The following ST6GAL1 variants were observed in gnomAD, a reference collection of about 807,000 sequenced individuals.
ST6GAL1 encodes beta-galactoside alpha-2,6-sialyltransferase 1.
ST6GAL1 carries 20 observed loss-of-function variants against 38.0 expected under a neutral mutation model. The observed-to-expected ratio is 0.53, with a 90% confidence interval of 0.37 to 0.77. The LOEUF (loss-of-function observed/expected upper bound fraction) is 0.77, where lower values mean the gene tolerates loss of function less well. Among genes scored for constraint, ST6GAL1 ranks in the 30% least tolerant of loss-of-function variants. The probability of loss-of-function intolerance (pLI) is 0.00; values close to 1 mark genes in which losing one functional copy is unlikely to be tolerated. For missense variants in ST6GAL1, 432 were observed against 496.4 expected, an observed-to-expected ratio of 0.87 and a Z score of 1.23; for synonymous variants, 196 against 188.2, an observed-to-expected ratio of 1.04 and a Z score of -0.34.
At chr3:186,936,939 CA>C (rs60914982) in intron 1 of ST6GAL1, among the ~76,000 whole-genome samples, 59,446 of 88,486 alleles carry the variant, frequency 0.67, 16,970 homozygotes, top group Middle Eastern at 0.81. Context: ...AAGACTGTCT[CA>C]AAAAAAAAAA....
At chr3:187,052,857 C>T (rs1283303164) in intron 5 of ST6GAL1, among the ~76,000 whole-genome samples, 2 of 152,216 alleles carry the variant, frequency 1.3e-5, no homozygotes, top group Admixed American at 6.5e-5. Context: ...GTTCTAGATC[C>T]TTGAGGAATT....
At chr3:187,036,320 C>T (rs1717930238) in intron 2 of ST6GAL1, among the ~76,000 whole-genome samples, 1 of 152,160 alleles carries the variant, frequency 6.6e-6, no homozygotes, top group African/African-American at 2.4e-5. Flanking sequence ...TTAGTTCAGC[C>T]ACCATGAAAA....
At chr3:187,007,408 T>A (rs1427487769) in intron 2 of ST6GAL1, among the ~76,000 whole-genome samples, 1 of 152,094 alleles carries the variant, frequency 6.6e-6, no homozygotes, top group Non-Finnish European at 1.5e-5. Flanking sequence ...ACCACCCAAG[T>A]CCCAGACAAA....
intron 2 of ST6GAL1, among the ~76,000 whole-genome samples, chr3:187,009,529 G>A (rs1005096933): frequency 6.6e-6 from 1 of 152,184 alleles, no homozygotes; most frequent in Admixed American, 6.5e-5. Flanking sequence ...CTACTTGGGA[G>A]GCTGAGGAGG....
chr3:186,953,883 A>G (rs1025269417), intron 1 of ST6GAL1, among the ~76,000 whole-genome samples: 1 of 151,092 alleles, frequency 6.6e-6, no homozygotes, highest in South Asian at 2.1e-4. Flanking sequence ...GGTTTGTTAC[A>G]TAGGTAAACA....
At chr3:186,995,864 T>G (rs1365944268) in intron 2 of ST6GAL1, among the ~76,000 whole-genome samples, 1 of 152,102 alleles carries the variant, frequency 6.6e-6, no homozygotes, top group Admixed American at 6.6e-5. Context: ...AAAGATTGTT[T>G]AATAAATGCT....
chr3:187,022,316 G>C (rs1717347196), intron 2 of ST6GAL1, among the ~76,000 whole-genome samples: 1 of 152,156 alleles, frequency 6.6e-6, no homozygotes, highest in African/African-American at 2.4e-5. Flanking sequence ...TGTGAGAGCA[G>C]AGGAAAGATG....
chr3:187,061,822 A>G (rs9860856), intron 5 of ST6GAL1, among the ~76,000 whole-genome samples: 15,089 of 152,156 alleles, frequency 0.099, 2,483 homozygotes, highest in African/African-American at 0.34. Context: ...TGATTTCGTC[A>G]TTATTACACC....
At chr3:186,983,573 A>C (rs1336689710) in intron 2 of ST6GAL1, among the ~76,000 whole-genome samples, 1 of 152,120 alleles carries the variant, frequency 6.6e-6, no homozygotes, top group Non-Finnish European at 1.5e-5. Flanking sequence ...AAAAAAGGGA[A>C]GTTGAAGATA....
At chr3:187,056,483 G>T (rs924670482) in intron 5 of ST6GAL1, among the ~76,000 whole-genome samples, 2 of 152,136 alleles carry the variant, frequency 1.3e-5, no homozygotes, top group South Asian at 2.1e-4. Flanking sequence ...AGGAGCTCTT[G>T]TAAGGCAGGC....
chr3:187,056,972 C>G (rs1423111535), intron 5 of ST6GAL1, among the ~76,000 whole-genome samples: 1 of 152,142 alleles, frequency 6.6e-6, no homozygotes, highest in Non-Finnish European at 1.5e-5. Flanking sequence ...TTCACATAGT[C>G]CCATATTTCT....
intron 2 of ST6GAL1, among the ~76,000 whole-genome samples, chr3:186,968,366 G>A (rs1298388169): frequency 3.3e-5 from 5 of 152,090 alleles, no homozygotes; most frequent in South Asian, 4.1e-4. Context: ...CCCTTATTGA[G>A]GTGTAATTGA....
At chr3:187,035,172 A>G (rs1002946837) in intron 2 of ST6GAL1, among the ~76,000 whole-genome samples, 11 of 152,236 alleles carry the variant, frequency 7.2e-5, no homozygotes, top group African/African-American at 2.7e-4. Context: ...AAAATTTTAA[A>G]TACCTAGGAA....
chr3:187,073,281 G>A (rs192305828), intron 6 of ST6GAL1: 4 of 236,388 alleles, frequency 1.7e-5, no homozygotes, highest in Non-Finnish European at 2.5e-5. Context: ...AGTAGTTGCC[G>A]TTACTCCTGT....
chr3:187,021,758 A>C (rs1579328656), intron 2 of ST6GAL1: 1 of 151,992 alleles, frequency 6.6e-6, no homozygotes, highest in Non-Finnish European at 1.5e-5. Context: ...AAAAAAAAAA[A>C]AAACCTTCCC....
chr3:186,975,156 A>T (rs1406363626), intron 2 of ST6GAL1: 2 of 153,086 alleles, frequency 1.3e-5, no homozygotes, highest in African/African-American at 4.8e-5. Flanking sequence ...GCCGGTGGCC[A>T]GGGTGAATCC....
At chr3:187,067,707 A>T (rs1194448230) in intron 5 of ST6GAL1, among the ~76,000 whole-genome samples, 1 of 152,082 alleles carries the variant, frequency 6.6e-6, no homozygotes, top group East Asian at 1.9e-4. Context: ...GTGCTTGCTT[A>T]TTTGAATGTC....
intron 2 of ST6GAL1, among the ~76,000 whole-genome samples, chr3:186,975,789 GAAGT>G (rs1715501604): frequency 6.6e-6 from 1 of 152,256 alleles, no homozygotes. Context: ...AAACGCCACA[GAAGT>G]GAGTGAGGCT....
rs116641402 is a variant in ST6GAL1 at position 187,039,883 on chromosome 3, C to T, written c.-51+1010C>T. On this transcript the variant is annotated intron_variant, in intron 3 of 7. Coordinates refer to ENST00000169298, the MANE Select transcript of ST6GAL1 (RefSeq NM_173216.2). ...CTTATGTGAGATTTCAGATGAGTGC[C>T]CTGAGGCCATGACAGAGCACAGGCT... is the stretch of plus-strand genomic sequence containing the variant. 3.8e-3 allele frequency among the ~76,000 whole-genome samples: 572 copies of T among 152,260 alleles called. 2 individuals are homozygous for T. The highest frequency in any genetic ancestry group is 6.4e-3 in the Non-Finnish European group (433 of 68,028).
Sources: allele counts gnomAD v4.1 joint callset (sites outside exome capture counted in the v4.1 genomes callset), GRCh38; gene constraint gnomAD v4.1.1; transcripts MANE v1.5; gene names NCBI Gene and HGNC (gene_info 2026-07-23, HGNC 2026-07-21).